MITF: variants seen among roughly 807,000 people sequenced by gnomAD.
MITF encodes melanocyte inducing transcription factor.
In MITF, 17 loss-of-function variants were observed where a neutral mutation model predicts 60.5. The ratio of observed to expected loss-of-function variants is 0.28; its 90% CI spans 0.19 to 0.42. The LOEUF (loss-of-function observed/expected upper bound fraction) is 0.42, where lower values mean the gene tolerates loss of function less well. MITF is among the 10% of genes least tolerant of loss of function. The probability of loss-of-function intolerance (pLI) is 1.00; values close to 1 mark genes in which losing one functional copy is unlikely to be tolerated. For missense variants in MITF, 622 were observed against 683.5 expected, an observed-to-expected ratio of 0.91 and a Z score of 1.00; for synonymous variants, 260 against 248.5, an observed-to-expected ratio of 1.05 and a Z score of -0.43.
rs746723231 is a variant in MITF, at chr3:69,820,100, A to T, written c.105-59034A>T. Among the ~76,000 whole-genome samples, 5 of 152,384 alleles carry T rather than the reference A, an allele frequency of 3.3e-5. No individual in the cohort carries two copies. The South Asian group carries it at 1.0e-3, about 32-fold the overall frequency. ...ATGTGTGAAATGCACACCAGACCTC[A>T]TAGATTTCATATGAAAAAGGAAAGT... On this transcript the variant is annotated intron_variant, in intron 1 of 9. Transcript: ENST00000352241.
At chr3:69,849,120 A>G (rs1288193240) in intron 1 of MITF, among the ~76,000 whole-genome samples, 2 of 150,256 alleles carry the variant, frequency 1.3e-5, no homozygotes, top group South Asian at 2.1e-4. Flanking sequence ...GCCCGCCACT[A>G]CGCCCGGCTA....
rs2066260093 is a variant in MITF at position 69,951,726 on chromosome 3, TG to T, written c.881-85del. On this transcript the variant is annotated intron_variant, in intron 6 of 9. Coordinates refer to ENST00000352241, the MANE Select transcript of MITF (RefSeq NM_001354604.2). ...GAGTCAAGTCAAATAAGCTTCTGTA[TG>T]TTTGGGAAATGAGATATTTTGTAGT... 221 of 986,192 alleles carry T rather than the reference TG, an allele frequency of 2.2e-4. 2 individuals carry two copies. The South Asian group carries it at 2.9e-3, about 13-fold the overall frequency. 61.1% of individuals were successfully genotyped at this position (986,192 alleles called of 1,614,324 possible).
intron 1 of MITF, among the ~76,000 whole-genome samples, chr3:69,851,422 A>G (rs2063822337): frequency 6.6e-6 from 1 of 152,164 alleles, no homozygotes; most frequent in Non-Finnish European, 1.5e-5. Flanking sequence ...TCCTTATACT[A>G]GTGAAAGGAT....
At chr3:69,798,562 C>T (rs1204857954) in intron 1 of MITF, among the ~76,000 whole-genome samples, 7 of 152,134 alleles carry the variant, frequency 4.6e-5, no homozygotes, top group Non-Finnish European at 7.3e-5. Flanking sequence ...ACTGTGTGTC[C>T]ACATCTCAGT....
At chr3:69,875,327 A>T (rs2064329003) in intron 1 of MITF, among the ~76,000 whole-genome samples, 1 of 152,162 alleles carries the variant, frequency 6.6e-6, no homozygotes, top group Non-Finnish European at 1.5e-5. Flanking sequence ...TGAGATGCCC[A>T]CCTTCCCATG....
intron 1 of MITF, among the ~76,000 whole-genome samples, chr3:69,812,772 T>C (rs187297059): frequency 6.6e-6 from 1 of 152,310 alleles, no homozygotes; most frequent in Non-Finnish European, 1.5e-5. Context: ...AGGGCATGCA[T>C]GTAAACGATT....
chr3:69,788,597 C>T (rs1378117834), intron 1 of MITF, among the ~76,000 whole-genome samples: 3 of 152,004 alleles, frequency 2.0e-5, no homozygotes, highest in Admixed American at 2.0e-4. Context: ...AAACTTGACC[C>T]AGAAGTCTTT....
At chr3:69,847,404 A>G (rs761010813) in intron 1 of MITF, among the ~76,000 whole-genome samples, 9 of 152,216 alleles carry the variant, frequency 5.9e-5, no homozygotes, top group Non-Finnish European at 1.3e-4. Context: ...AAAAGGCTGA[A>G]AAGTGGCGTG....
At chr3:69,895,575 C>A (rs1354892722) in intron 2 of MITF, among the ~76,000 whole-genome samples, 1 of 151,842 alleles carries the variant, frequency 6.6e-6, no homozygotes, top group Non-Finnish European at 1.5e-5. Flanking sequence ...TAAAATTTAT[C>A]TCTGACACAA....
At chr3:69,783,699 G>A (rs2062603753) in intron 1 of MITF, among the ~76,000 whole-genome samples, 1 of 150,996 alleles carries the variant, frequency 6.6e-6, no homozygotes, top group South Asian at 2.1e-4. Context: ...TCCAGAATAT[G>A]TTTTTTTTTG....
chr3:69,802,778 G>C (rs1448296141), intron 1 of MITF, among the ~76,000 whole-genome samples: 1 of 132,576 alleles, frequency 7.5e-6, no homozygotes, highest in African/African-American at 2.8e-5. Context: ...TGCAATCTCC[G>C]CCTCCTAGGT....
chr3:69,776,756 A>G (rs2062480136), intron 1 of MITF, among the ~76,000 whole-genome samples: 1 of 152,190 alleles, frequency 6.6e-6, no homozygotes, highest in Non-Finnish European at 1.5e-5. Flanking sequence ...GAGATAATGC[A>G]TATGTAAAGT....
chr3:69,914,476 T>C (rs777623370), intron 2 of MITF, among the ~76,000 whole-genome samples: 2 of 152,192 alleles, frequency 1.3e-5, no homozygotes, highest in Non-Finnish European at 2.9e-5. Context: ...GATATTTCAA[T>C]TGGGTCATGC....
intron 1 of MITF, among the ~76,000 whole-genome samples, chr3:69,813,983 T>C (rs2063141508): frequency 6.6e-6 from 1 of 152,136 alleles, no homozygotes; most frequent in Admixed American, 6.5e-5. Context: ...TTCATCATTG[T>C]TTCATATGCC....
chr3:69,907,715 A>T (rs1329315840), intron 2 of MITF, among the ~76,000 whole-genome samples: 1 of 152,148 alleles, frequency 6.6e-6, no homozygotes, highest in Non-Finnish European at 1.5e-5. Flanking sequence ...AGCTTAGATC[A>T]TTGGCTCTCT....
chr3:69,761,725 A>C (rs537670122), intron 1 of MITF, among the ~76,000 whole-genome samples: 1 of 152,356 alleles, frequency 6.6e-6, no homozygotes, highest in South Asian at 2.1e-4. Flanking sequence ...GGAGGAAAGG[A>C]GGTAGGCTGT....
At chr3:69,838,058 T>C (rs2063566844) in intron 1 of MITF, among the ~76,000 whole-genome samples, 1 of 152,218 alleles carries the variant, frequency 6.6e-6, no homozygotes, top group Non-Finnish European at 1.5e-5. Context: ...AATGAATTTA[T>C]GCTTAATATT....
chr3:69,862,684 A>G (rs888858984), intron 1 of MITF, among the ~76,000 whole-genome samples: 1 of 152,132 alleles, frequency 6.6e-6, no homozygotes, highest in Non-Finnish European at 1.5e-5. Flanking sequence ...AGATTCTGAA[A>G]CCCAGTTTAG....
At chr3:69,864,429 T>C (rs2064073931) in intron 1 of MITF, among the ~76,000 whole-genome samples, 2 of 152,320 alleles carry the variant, frequency 1.3e-5, no homozygotes, top group Admixed American at 1.3e-4. Context: ...ATGAACTTTC[T>C]CCTCTAATCG....
Sources: gnomAD v4.1 joint callset for allele counts (sites outside exome capture counted in the v4.1 genomes callset) on GRCh38, gnomAD v4.1.1 for gene constraint, MANE v1.5 for transcripts, NCBI Gene and HGNC (gene_info 2026-07-23, HGNC 2026-07-21) for gene names.